EHBP1: variants seen among roughly 807,000 people sequenced by gnomAD.
The protein encoded by EHBP1 is EH domain binding protein 1.
A neutral mutation model predicts 144.0 loss-of-function variants in EHBP1; 55 were observed. The observed-to-expected ratio is 0.38, with a 90% CI of 0.31 to 0.48. The LOEUF (loss-of-function observed/expected upper bound fraction) is 0.48, where lower values mean the gene tolerates loss of function less well. EHBP1 is among the 20% of genes least tolerant of loss of function. The pLI, the probability that EHBP1 is intolerant of heterozygous loss-of-function variation, is 0.98. For missense variants in EHBP1, 1,200 were observed against 1,364.2 expected (o/e 0.88, Z 1.90); for synonymous variants, 469 against 472.7 (o/e 0.99, Z 0.10).
chr2:62,910,178 T>G (rs1394014352), intron 10 of EHBP1, among the ~76,000 whole-genome samples: 1 of 152,190 alleles, frequency 6.6e-6, no homozygotes, highest in Non-Finnish European at 1.5e-5. Context: ...GGAATGAAAT[T>G]GGAGGTGCTT....
chr2:62,864,984 C>A lies in EHBP1; in HGVS notation c.998+13C>A. On this transcript the variant is annotated intron_variant, in intron 9 of 22. Transcript: ENST00000431489. ...AAGAATTGGATGAGTAAGTACATTT[C>A]ATTTTGCTGTCATCACAAGTTAGTC... 1 of 1,610,224 alleles carries A rather than the reference C, an allele frequency of 6.2e-7. No homozygotes were observed. The highest frequency in any genetic ancestry group is 1.1e-5 in the South Asian group (1 of 90,420).
At chr2:62,879,140 T>C (rs1023873074) in intron 10 of EHBP1, among the ~76,000 whole-genome samples, 4 of 151,886 alleles carry the variant, frequency 2.6e-5, no homozygotes, top group African/African-American at 4.8e-5. Context: ...GGAACATACC[T>C]CAAAATAATA....
intron 7 of EHBP1, among the ~76,000 whole-genome samples, chr2:62,846,155 A>G (rs892746327): frequency 6.6e-6 from 1 of 152,122 alleles, no homozygotes; most frequent in Non-Finnish European, 1.5e-5. Context: ...CTTTATTTGT[A>G]CTTATGACAC....
chr2:62,863,913 C>T (rs1327013639), intron 8 of EHBP1, among the ~76,000 whole-genome samples: 1 of 123,322 alleles, frequency 8.1e-6, no homozygotes, highest in Admixed American at 1.1e-4. Context: ...GTGGCGCAGT[C>T]TCAGCTCACT....
chr2:62,933,173 T>A (rs1300351944), intron 10 of EHBP1, among the ~76,000 whole-genome samples: 1 of 151,772 alleles, frequency 6.6e-6, no homozygotes, highest in Non-Finnish European at 1.5e-5. Context: ...ACATAAATAA[T>A]ATAGTATTTT....
intron 2 of EHBP1, among the ~76,000 whole-genome samples, chr2:62,715,350 G>A (rs779946710): frequency 2.6e-5 from 4 of 151,978 alleles, no homozygotes; most frequent in African/African-American, 7.3e-5. Flanking sequence ...TCCTGACCTC[G>A]TGATCCGCCT....
intron 5 of EHBP1, among the ~76,000 whole-genome samples, chr2:62,799,003 CA>C (rs757731955): frequency 0.12 from 9,564 of 76,544 alleles, 145 homozygotes; most frequent in Non-Finnish European, 0.16. Flanking sequence ...GACTCCGTCT[CA>C]AAAAAAAAAA....
intron 19 of EHBP1, among the ~76,000 whole-genome samples, chr2:62,999,520 A>G (rs1032067902): frequency 1.3e-5 from 2 of 152,054 alleles, no homozygotes; most frequent in Non-Finnish European, 2.9e-5. Flanking sequence ...GGGAATCTTT[A>G]ATCTACTTTT....
intron 5 of EHBP1, among the ~76,000 whole-genome samples, chr2:62,810,249 A>G (rs2044876205): frequency 6.6e-6 from 1 of 152,238 alleles, no homozygotes; most frequent in Non-Finnish European, 1.5e-5. Flanking sequence ...AAAAAAGTAT[A>G]GCATTAAAAG....
intron 10 of EHBP1, among the ~76,000 whole-genome samples, chr2:62,934,148 G>T (rs896484602): frequency 2.6e-5 from 4 of 152,138 alleles, no homozygotes; most frequent in African/African-American, 7.2e-5. Flanking sequence ...CATAATAGAT[G>T]ATGCCAAACT....
Position 63,045,267 on chromosome 2 carries a change from G to A in EHBP1, c.3392+87G>A. On this transcript the variant is annotated intron_variant, in intron 22 of 22. Coordinates refer to ENST00000431489, the MANE Select transcript of EHBP1 (RefSeq NM_001142616.3). The surrounding 1 kb of genome is among the most constrained non-coding windows in gnomAD (Gnocchi z 5.7). ...GGAAAGTTCAATCCAGAGGTCGCGG[G>A]AGGGCCGGGGCAGCCTCCCACTGGC... 1 of 1,426,300 alleles carries A rather than the reference G, an allele frequency of 7.0e-7. No individual in the cohort carries two copies. The highest frequency in any genetic ancestry group is 9.7e-7 in the Non-Finnish European group (1 of 1,035,332). 88.4% of individuals were successfully genotyped at this position (1,426,300 alleles called of 1,614,324 possible). A position where few individuals can be genotyped will look rare whatever the true frequency, so the allele number is the denominator to read the frequency against.
In EHBP1 at chr2:63,000,660, T is replaced by C. The variant is rs145908548; in HGVS notation, c.3103+3894T>C. On this transcript the variant is annotated intron_variant, in intron 19 of 22. Transcript: ENST00000431489. ...TGTAGTGAGAGCCAAGATCACACCA[T>C]TGCACTCTGGCCTGGGCAACAAGAG... Among the ~76,000 whole-genome samples, 988 of 152,142 alleles carry C rather than the reference T, an allele frequency of 6.5e-3. 11 individuals carry two copies. Among genetic ancestry groups the C allele is most frequent in the African/African-American group, 0.022 (911 of 41,522 alleles).
chr2:62,810,591 G>A (rs1406001887), intron 5 of EHBP1, among the ~76,000 whole-genome samples: 1 of 152,240 alleles, frequency 6.6e-6, no homozygotes, highest in Non-Finnish European at 1.5e-5. Context: ...TGGGTAAAAT[G>A]AGCAATGGGC....
At chr2:63,039,824 T>C (rs2061587405) in intron 21 of EHBP1, among the ~76,000 whole-genome samples, 1 of 152,146 alleles carries the variant, frequency 6.6e-6, no homozygotes, top group Non-Finnish European at 1.5e-5. Context: ...ACTTTTATAT[T>C]CATAAACTCA....
At chr2:62,842,151 G>A (rs1256209794) in intron 7 of EHBP1, among the ~76,000 whole-genome samples, 1 of 151,916 alleles carries the variant, frequency 6.6e-6, no homozygotes, top group Admixed American at 6.6e-5. Flanking sequence ...CAGTGACACA[G>A]TCTCGGCTCA....
chr2:62,842,274 A>G (rs765123257), intron 7 of EHBP1, among the ~76,000 whole-genome samples: 2 of 151,952 alleles, frequency 1.3e-5, no homozygotes, highest in African/African-American at 2.4e-5. Flanking sequence ...TTTAGTAGAG[A>G]TGGGGTTTCA....
intron 10 of EHBP1, among the ~76,000 whole-genome samples, chr2:62,878,424 C>CA (rs987387530): frequency 4.6e-5 from 7 of 151,490 alleles, no homozygotes; most frequent in African/African-American, 9.7e-5. Context: ...TGAAACTTTC[C>CA]AAAAAAAATA....
intron 10 of EHBP1, among the ~76,000 whole-genome samples, chr2:62,920,060 T>G (rs2054947779): frequency 6.6e-6 from 1 of 152,080 alleles, no homozygotes; most frequent in Non-Finnish European, 1.5e-5. Flanking sequence ...AAGGGAGAGA[T>G]AATATTTGAA....
chr2:62,781,822 G>A (rs1573318748), intron 5 of EHBP1, among the ~76,000 whole-genome samples: 1 of 152,090 alleles, frequency 6.6e-6, no homozygotes, highest in Non-Finnish European at 1.5e-5. Context: ...TTAAGATCTT[G>A]CTTCACCTGC....
Sources: gnomAD v4.1 joint callset for allele counts (sites outside exome capture counted in the v4.1 genomes callset) on GRCh38, gnomAD v4.1.1 for gene constraint, Gnocchi (gnomAD v3.1) non-coding constraint, MANE v1.5 for transcripts, NCBI Gene and HGNC (gene_info 2026-07-23, HGNC 2026-07-21) for gene names.